TRAPPC9: variants seen among roughly 807,000 people sequenced by gnomAD.
The protein encoded by TRAPPC9 is trafficking protein particle complex subunit 9.
Under a neutral mutation model 124.0 loss-of-function variants are expected in TRAPPC9, and 83 were observed. The ratio of observed to expected loss-of-function variants is 0.67; its 90% CI spans 0.56 to 0.80. The LOEUF is 0.80. Among genes scored for constraint, TRAPPC9 ranks in the 30% least tolerant of loss-of-function variants. The pLI is 0.00. For synonymous variants in TRAPPC9, 638 were observed against 617.5 expected, an observed-to-expected ratio of 1.03 and a Z score of -0.49; for missense variants, 1,302 against 1,508.3, an observed-to-expected ratio of 0.86 and a Z score of 2.27.
intron 17 of TRAPPC9, among the ~76,000 whole-genome samples, chr8:140,178,359 T>C (rs2062118149): frequency 6.6e-6 from 1 of 152,168 alleles, no homozygotes; most frequent in African/African-American, 2.4e-5. Context: ...GCTATGATCA[T>C]GGTTTTTATT....
At chr8:140,037,879 AACACACACACAC>A (rs10560088) in intron 17 of TRAPPC9, among the ~76,000 whole-genome samples, 3 of 90,562 alleles carry the variant, frequency 3.3e-5, no homozygotes, top group South Asian at 4.3e-4. Flanking sequence ...ACACACCTCC[AACACACACACAC>A]ACACACACAC....
At chr8:139,761,865 G>A (rs927149135) in intron 21 of TRAPPC9, among the ~76,000 whole-genome samples, 2 of 151,574 alleles carry the variant, frequency 1.3e-5, no homozygotes, top group Admixed American at 6.6e-5. Context: ...CTGCCTGCAC[G>A]TGTGCATCTG....
chr8:140,019,715 C>T (rs1213928072), intron 18 of TRAPPC9, among the ~76,000 whole-genome samples: 1 of 151,694 alleles, frequency 6.6e-6, no homozygotes, highest in Admixed American at 6.6e-5. Flanking sequence ...ACGTGCCCAG[C>T]TAATTTTTCT....
At chr8:139,777,637 A>T (rs531783356) in intron 21 of TRAPPC9, among the ~76,000 whole-genome samples, 2 of 152,242 alleles carry the variant, frequency 1.3e-5, no homozygotes, top group Non-Finnish European at 2.9e-5. Flanking sequence ...TTATCAAAAC[A>T]TTCAGAATGA....
rs1008397834 is a variant in TRAPPC9, at chr8:139,964,224, C to CAAAA, written c.2810+24498_2810+24501dup. Reference sequence around the variant, plus strand: ...TGGGCGACAGAGCAAGACTCTGTCTCAAAAAAAAAAAAAAAAAAAAAGCGG... The same window carrying CAAAA: ...TGGGCGACAGAGCAAGACTCTGTCTCAAAAAAAAAAAAAAAAAAAAAAAAAGCGG... On this transcript the variant is annotated intron_variant, in intron 19 of 22. Transcript: ENST00000438773. 3.3e-3 allele frequency among the ~76,000 whole-genome samples: 223 copies of CAAAA among 67,304 alleles called. 4 individuals are homozygous for CAAAA. Among genetic ancestry groups the CAAAA allele is most frequent in the African/African-American group, 9.2e-3 (169 of 18,420 alleles). 44.2% of individuals were successfully genotyped at this position (67,304 alleles called of 152,430 possible).
chr8:140,412,579 G>A, intron 5 of TRAPPC9, among the ~76,000 whole-genome samples: 1 of 152,014 alleles, frequency 6.6e-6, no homozygotes, highest in East Asian at 1.9e-4. Flanking sequence ...TTCAGGACAG[G>A]GCCTCAGGTC....
At chr8:140,138,131 T>C (rs2061333049) in intron 17 of TRAPPC9, among the ~76,000 whole-genome samples, 1 of 152,138 alleles carries the variant, frequency 6.6e-6, no homozygotes, top group Non-Finnish European at 1.5e-5. Flanking sequence ...TGAAACCCCA[T>C]CTCTGCTAAA....
intron 18 of TRAPPC9, among the ~76,000 whole-genome samples, chr8:139,996,706 A>C (rs913183539): frequency 5.3e-5 from 8 of 152,116 alleles, no homozygotes; most frequent in Non-Finnish European, 1.0e-4. Context: ...AAACCCAAAA[A>C]GTTTTTTGTT....
chr8:140,433,583 C>G (rs749357925), intron 4 of TRAPPC9, among the ~76,000 whole-genome samples: 3 of 152,148 alleles, frequency 2.0e-5, no homozygotes, highest in Non-Finnish European at 4.4e-5. Flanking sequence ...GAGCGAGACT[C>G]TGTCTCAAAA....
chr8:140,148,720 A>C (rs1428282158), intron 17 of TRAPPC9, among the ~76,000 whole-genome samples: 1 of 152,210 alleles, frequency 6.6e-6, no homozygotes, highest in Non-Finnish European at 1.5e-5. Context: ...GAAAATGCCA[A>C]GCAATTCATT....
chr8:139,762,136 T>C (rs1006311489), intron 21 of TRAPPC9, among the ~76,000 whole-genome samples: 2 of 151,180 alleles, frequency 1.3e-5, no homozygotes, highest in South Asian at 2.1e-4. Flanking sequence ...CACATGCTCA[T>C]TGGAGGAGTG....
intron 18 of TRAPPC9, among the ~76,000 whole-genome samples, chr8:139,999,250 G>A (rs1838239305): frequency 6.6e-6 from 1 of 151,734 alleles, no homozygotes; most frequent in South Asian, 2.1e-4. Context: ...TAAATATAAT[G>A]GTATAGATAT....
In TRAPPC9 at chr8:140,451,437, G is replaced by A. The variant is rs997004246; in HGVS notation, c.-10-54C>T. 6 of 1,472,394 alleles carry A rather than the reference G, an allele frequency of 4.1e-6. No homozygotes were observed. The African/African-American group carries it at 8.3e-5, about 20-fold the overall frequency. The allele number at this position is 1,472,394 out of a possible 1,614,324, so 91.2% of individuals were successfully genotyped here. On this transcript the variant is annotated intron_variant, in intron 1 of 22. Coordinates refer to ENST00000438773, the MANE Select transcript of TRAPPC9 (RefSeq NM_001160372.4). ...AGACACAGAGTCCTGAGTGCTGAGA[G>A]CCTACCCTGGGAGGCAGTGACTGTG...
chr8:140,423,020 T>C (rs2070276123), intron 5 of TRAPPC9, among the ~76,000 whole-genome samples: 1 of 152,298 alleles, frequency 6.6e-6, no homozygotes, highest in South Asian at 2.1e-4. Context: ...CTTGCATTCA[T>C]TGCTAGTAGT....
At chr8:139,823,898 C>T (rs1431332766) in intron 21 of TRAPPC9, among the ~76,000 whole-genome samples, 5 of 152,208 alleles carry the variant, frequency 3.3e-5, no homozygotes, top group Non-Finnish European at 7.3e-5. Flanking sequence ...GGCCCTCTCA[C>T]CCACCCTTGG....
chr8:140,364,292 CAAAAAAAA>C (rs34616334), intron 8 of TRAPPC9, among the ~76,000 whole-genome samples: 12 of 53,062 alleles, frequency 2.3e-4, no homozygotes, highest in East Asian at 6.1e-4. Context: ...TCAAAGGATG[CAAAAAAAA>C]AAAAAAAAAA....
At position 140,063,139 on chromosome 8, in the gene TRAPPC9, G is replaced by A. The variant is rs972802764; in HGVS notation, c.2557-39060C>T. On this transcript the variant is annotated intron_variant, in intron 17 of 22. Transcript: ENST00000438773. This position sits in a 1 kb window ranked among gnomAD's most constrained non-coding sequence, Gnocchi z 4.3. ...AGAACCCACCCACTATCATGAGAACGGTGTGGGGGAAGCGGCCACTGTGAT... is the reference window on the plus strand; with the variant it reads ...AGAACCCACCCACTATCATGAGAACAGTGTGGGGGAAGCGGCCACTGTGAT... Among the ~76,000 whole-genome samples, 3 of 152,270 alleles carry A rather than the reference G, an allele frequency of 2.0e-5. No homozygotes were observed. The highest frequency in any genetic ancestry group is 1.3e-4 in the Admixed American group (2 of 15,292).
At chr8:140,403,189 G>A (rs943236297) in intron 6 of TRAPPC9, among the ~76,000 whole-genome samples, 15 of 152,160 alleles carry the variant, frequency 9.9e-5, no homozygotes, top group African/African-American at 3.4e-4. Context: ...AGAACTTTGG[G>A]AGGCCAAGGT....
intron 19 of TRAPPC9, among the ~76,000 whole-genome samples, chr8:139,982,740 T>G (rs1587408618): frequency 6.6e-6 from 1 of 152,238 alleles, no homozygotes; most frequent in East Asian, 1.9e-4. Context: ...AAGTACTTTC[T>G]ACATCCAATC....
Sources: gnomAD v4.1 joint callset for allele counts (sites outside exome capture counted in the v4.1 genomes callset) on GRCh38, gnomAD v4.1.1 for gene constraint, Gnocchi (gnomAD v3.1) non-coding constraint, MANE v1.5 for transcripts, NCBI Gene and HGNC (gene_info 2026-07-23, HGNC 2026-07-21) for gene names.